The following PLEKHA5 variants were observed in gnomAD, a reference collection of about 807,000 sequenced individuals.
PLEKHA5 encodes pleckstrin homology domain containing A5.
A neutral mutation model predicts 181.9 loss-of-function variants in PLEKHA5; 55 were observed. The ratio of observed to expected loss-of-function variants is 0.30; its 90% CI spans 0.24 to 0.38. PLEKHA5 has a LOEUF of 0.38. PLEKHA5 is among the 10% of genes least tolerant of loss of function. The pLI is 1.00. For missense variants in PLEKHA5, 1,432 were observed against 1,549.5 expected, an observed-to-expected ratio of 0.92 and a Z score of 1.27; for synonymous variants, 535 against 529.4, an observed-to-expected ratio of 1.01 and a Z score of -0.15.
At chr12:19,163,980 AT>A (rs2043631712) in intron 3 of PLEKHA5, among the ~76,000 whole-genome samples, 3 of 152,030 alleles carry the variant, frequency 2.0e-5, no homozygotes, top group African/African-American at 7.2e-5. Context: ...GGTAACCATT[AT>A]TCTTCTCTCT....
Position 19,165,640 on chromosome 12 carries a change from C to T in PLEKHA5, c.227+33190C>T, listed in dbSNP as rs1325228989. 3.9e-5 allele frequency among the ~76,000 whole-genome samples: 6 copies of T among 152,056 alleles called. No homozygotes were observed. In the South Asian group the frequency reaches 8.3e-4, roughly 21 times the overall value. ...AGTACAGAAGAGTTAAACTAGAAAC[C>T]TGTAATACCTGTTCAACCTGTGCTT... is the stretch of plus-strand genomic sequence containing the variant. On this transcript the variant is annotated intron_variant, in intron 3 of 31. Transcript: ENST00000429027.
chr12:19,190,335 T>C (rs1371957490), intron 3 of PLEKHA5, among the ~76,000 whole-genome samples: 1 of 152,248 alleles, frequency 6.6e-6, no homozygotes, highest in East Asian at 1.9e-4. Flanking sequence ...AAATATTTCC[T>C]TTTTTGGTCT....
intron 8 of PLEKHA5, among the ~76,000 whole-genome samples, chr12:19,268,319 A>T (rs1316681586): frequency 6.6e-6 from 1 of 152,206 alleles, no homozygotes; most frequent in Non-Finnish European, 1.5e-5. Context: ...GCAAATGTTT[A>T]TCAATTTATG....
intron 3 of PLEKHA5, among the ~76,000 whole-genome samples, chr12:19,220,204 C>CT (rs200680595): frequency 7.8e-4 from 88 of 112,834 alleles, no homozygotes; most frequent in East Asian, 1.5e-3. Context: ...TTTCTCTTTT[C>CT]TTTTTTTTTT....
chr12:19,283,487 G>T lies in PLEKHA5; in HGVS notation c.1521G>T (p.Trp507Cys). ...KRRSMRDDTM[W>C]QLYEWQQRQF... ...GGTCCATGAGAGATGACACAATGTG[G>T]CAGCTCTACGAATGGCAGCAGCGTC... The change falls in exon 12 of 32, where the codon TGG becomes TGT. Residue 507 changes from tryptophan to cysteine, a missense_variant. Transcript: ENST00000429027. 6.2e-7 allele frequency: 1 copy of T among 1,614,070 alleles called. No individual in the cohort carries two copies. Among genetic ancestry groups the T allele is most frequent in the Non-Finnish European group, 8.5e-7 (1 of 1,179,952 alleles).
In PLEKHA5 at chr12:19,253,064, CTTTT is replaced by C. The variant is rs35536570; in HGVS notation, c.228-853_228-850del. ...GAGCTAAACAGCCAAATCAACTTAC[CTTTT>C]TTTTTTTTTTTTTTTTTTTTTTGGG... is the stretch of plus-strand genomic sequence containing the variant. On this transcript the variant is annotated intron_variant, in intron 3 of 31. Transcript: ENST00000429027. 5.8e-3 allele frequency among the ~76,000 whole-genome samples: 265 copies of C among 45,876 alleles called. 2 individuals are homozygous for C. The highest frequency in any genetic ancestry group is 0.038 in the Middle Eastern group (1 of 26). 30.1% of individuals were successfully genotyped at this position (45,876 alleles called of 152,430 possible).
chr12:19,326,731 C>T (rs1407222977), intron 20 of PLEKHA5, among the ~76,000 whole-genome samples: 1 of 152,132 alleles, frequency 6.6e-6, no homozygotes, highest in Non-Finnish European at 1.5e-5. Context: ...CTTTCCCCAC[C>T]CACAGTAGTC....
At chr12:19,163,322 G>A (rs183787212) in intron 3 of PLEKHA5, among the ~76,000 whole-genome samples, 269 of 152,146 alleles carry the variant, frequency 1.8e-3, no homozygotes, top group South Asian at 8.7e-3. Context: ...GACTACAGGC[G>A]CCAGCCACAA....
intron 20 of PLEKHA5, among the ~76,000 whole-genome samples, chr12:19,333,044 A>C (rs1013262626): frequency 2.0e-5 from 3 of 152,192 alleles, no homozygotes; most frequent in Non-Finnish European, 4.4e-5. Context: ...GATTGAAAGA[A>C]TCCATTCAGG....
chr12:19,280,927 T>C (rs2075976463), intron 11 of PLEKHA5, among the ~76,000 whole-genome samples: 10 of 151,882 alleles, frequency 6.6e-5, no homozygotes, highest in Admixed American at 6.6e-4. Context: ...GCCAAGCTGG[T>C]CTTGAACTCC....
In PLEKHA5 at chr12:19,343,422, A is replaced by G. The variant is rs766932331; in HGVS notation, c.2650A>G (p.Thr884Ala). 1 of 1,593,646 alleles carries G rather than the reference A, an allele frequency of 6.3e-7. No individual in the cohort carries two copies. Among genetic ancestry groups the G allele is most frequent in the East Asian group, 2.2e-5 (1 of 44,764 alleles). ...GAGTAAACATAAGCAGCAAAGAGGTACTACAGAAATAGGTAAATTAGCTTT... is the reference window on the plus strand; with the variant it reads ...GAGTAAACATAAGCAGCAAAGAGGTGCTACAGAAATAGGTAAATTAGCTTT... ...GLSKHKQQRG[T>A]TEIGMIGSKP... The change falls in exon 22 of 32, where the codon ACT (threonine) becomes GCT (alanine). Residue 884 changes from threonine to alanine, a missense_variant. Thr to Ala is a moderately conservative substitution (Grantham distance 58). This residue lies in a region of PLEKHA5 where 1,143 missense variants were observed against 1,168.4 expected (regional missense o/e 0.98). Transcript: ENST00000429027.
At chr12:19,265,157 C>T (rs1180936343) in intron 7 of PLEKHA5, among the ~76,000 whole-genome samples, 7 of 152,176 alleles carry the variant, frequency 4.6e-5, no homozygotes, top group Middle Eastern at 3.2e-3. Flanking sequence ...ATTCACATGT[C>T]GTCTTCATTT....
intron 3 of PLEKHA5, among the ~76,000 whole-genome samples, chr12:19,181,039 T>TAAAAAAAAA (rs11285788): frequency 3.8e-4 from 56 of 146,922 alleles, no homozygotes; most frequent in African/African-American, 1.2e-3. Context: ...GTTGAAATTG[T>TAAAAAAAAA]AAAAAAAAAA....
intron 26 of PLEKHA5, 85 bp downstream of exon 26, chr12:19,354,087 C>A (rs2094763624): frequency 2.9e-5 from 10 of 345,424 alleles, no homozygotes; most frequent in East Asian, 7.3e-5. Context: ...AGTGTCTTAT[C>A]AAAATTATTT....
At position 19,343,093 on chromosome 12, in the gene PLEKHA5, A is replaced by C. The variant is rs892884020; in HGVS notation, c.2551-230A>C. Among the ~76,000 whole-genome samples the C allele has an allele frequency of 3.3e-5, 5 of 152,226 alleles. No individual in the cohort carries two copies. In the East Asian group the frequency reaches 9.6e-4, roughly 29 times the overall value. On this transcript the variant is annotated intron_variant, in intron 21 of 31. Coordinates refer to ENST00000429027, the MANE Select transcript of PLEKHA5 (RefSeq NM_001256470.2). ...AAAGCTTATTGGAAAGATTTAAAAT[A>C]GTATATTTAAGTATGAAAATTAAAT...
At chr12:19,172,901 G>T (rs1417003521) in intron 3 of PLEKHA5, among the ~76,000 whole-genome samples, 1 of 149,948 alleles carries the variant, frequency 6.7e-6, no homozygotes, top group Non-Finnish European at 1.5e-5. Context: ...AGTAGTGGTG[G>T]TGATCATTCT....
intron 3 of PLEKHA5, among the ~76,000 whole-genome samples, chr12:19,140,792 A>G (rs747628255): frequency 2.6e-5 from 4 of 152,080 alleles, no homozygotes; most frequent in Non-Finnish European, 5.9e-5. Context: ...CAAAAAGGAA[A>G]CTATTTTCTT....
intron 15 of PLEKHA5, among the ~76,000 whole-genome samples, chr12:19,309,240 G>A (rs2085429715): frequency 2.6e-5 from 4 of 151,940 alleles, no homozygotes; most frequent in Admixed American, 2.6e-4. Context: ...TGAACAAATA[G>A]TATATTTTGA....
At chr12:19,254,461 CAT>C (rs2066279916) in intron 4 of PLEKHA5, among the ~76,000 whole-genome samples, 1 of 152,126 alleles carries the variant, frequency 6.6e-6, no homozygotes, top group African/African-American at 2.4e-5. Context: ...AGAATAATCT[CAT>C]AATTCATTTT....
Sources: allele counts gnomAD v4.1 joint callset (sites outside exome capture counted in the v4.1 genomes callset), GRCh38; gene constraint gnomAD v4.1.1; regional missense constraint gnomAD v4.1.1; transcripts MANE v1.5; gene names NCBI Gene and HGNC (gene_info 2026-07-23, HGNC 2026-07-21).